The following CDH8 variants were observed in gnomAD, a reference collection of about 807,000 sequenced individuals.
The protein encoded by CDH8 is cadherin-8.
In CDH8, 17 loss-of-function variants were observed where a neutral mutation model predicts 68.1. That is an observed-to-expected ratio of 0.25 (90% CI 0.17 to 0.37). The LOEUF (loss-of-function observed/expected upper bound fraction) is 0.37, where lower values mean the gene tolerates loss of function less well. Among genes scored for constraint, CDH8 ranks in the 10% least tolerant of loss-of-function variants. The pLI is 1.00. For synonymous variants in CDH8, 372 were observed against 365.1 expected, an observed-to-expected ratio of 1.02 and a Z score of -0.21; for missense variants, 763 against 999.3, an observed-to-expected ratio of 0.76 and a Z score of 3.19.
chr16:61,732,337 CAAG>C, intron 8 of CDH8, among the ~76,000 whole-genome samples: 1 of 151,794 alleles, frequency 6.6e-6, no homozygotes, highest in African/African-American at 2.4e-5. Context: ...AAGCCAAAAA[CAAG>C]AACATTTTGA....
At position 61,847,429 on chromosome 16, in the gene CDH8, A is replaced by T. The variant is rs1962830187; in HGVS notation, c.667+9690T>A. On this transcript the variant is annotated intron_variant, in intron 4 of 11. Coordinates refer to ENST00000577390, the MANE Select transcript of CDH8 (RefSeq NM_001796.5). Reference sequence around the variant, plus strand: ...AATTGAGTATTTTCCTCTTCCTTCTACCTCTGCTCTCTTAGTGGATTCTTA... The same window carrying T: ...AATTGAGTATTTTCCTCTTCCTTCTTCCTCTGCTCTCTTAGTGGATTCTTA... Among the ~76,000 whole-genome samples, 3 of 151,272 alleles carry T rather than the reference A, an allele frequency of 2.0e-5. No homozygotes were observed. The Admixed American group carries it at 2.0e-4, about 10-fold the overall frequency.
rs989849398 is a variant in CDH8, at chr16:61,653,156, G to A, written c.*452C>T. 33 of 1,231,926 alleles carry A rather than the reference G, an allele frequency of 2.7e-5. No individual in the cohort carries two copies. In the African/African-American group the frequency reaches 3.1e-4, roughly 12 times the overall value. 76.3% of individuals were successfully genotyped at this position (1,231,926 alleles called of 1,614,324 possible). On this transcript the variant is annotated 3_prime_UTR_variant, in exon 12 of 12. Transcript: ENST00000577390. ...CAAGTATTGCTTTATCATTTGTGGC[G>A]GGATCCTTATTGGTGAAGGGGAAAA...
chr16:61,670,060 T>C (rs550847362), intron 10 of CDH8, among the ~76,000 whole-genome samples: 3 of 152,178 alleles, frequency 2.0e-5, no homozygotes, highest in African/African-American at 7.2e-5. Context: ...TGATATTGAT[T>C]GCCTATTTTT....
At chr16:61,978,695 G>C (rs116388928) in intron 2 of CDH8, among the ~76,000 whole-genome samples, 1 of 152,142 alleles carries the variant, frequency 6.6e-6, no homozygotes, top group Admixed American at 6.6e-5. Flanking sequence ...GGGCAAGCTC[G>C]TGTATGTTGT....
chr16:61,702,620 T>A (rs1964455597), intron 10 of CDH8, among the ~76,000 whole-genome samples: 2 of 152,208 alleles, frequency 1.3e-5, no homozygotes, highest in South Asian at 4.1e-4. Flanking sequence ...TGTTACTCAG[T>A]TTTACAACAA....
intron 8 of CDH8, among the ~76,000 whole-genome samples, chr16:61,762,645 C>CAAGT (rs1162008352): frequency 6.6e-6 from 1 of 152,034 alleles, no homozygotes; most frequent in Non-Finnish European, 1.5e-5. Flanking sequence ...AAGATGGCAC[C>CAAGT]AAGTAATCTG....
chr16:61,690,530 G>A (rs1964198906), intron 10 of CDH8, among the ~76,000 whole-genome samples: 1 of 152,090 alleles, frequency 6.6e-6, no homozygotes, highest in Non-Finnish European at 1.5e-5. Context: ...AGAATTTGCA[G>A]AAGTGAGAGT....
intron 2 of CDH8, among the ~76,000 whole-genome samples, chr16:62,015,393 A>ATG (rs764116909): frequency 2.0e-5 from 3 of 151,806 alleles, no homozygotes; most frequent in Non-Finnish European, 4.4e-5. Flanking sequence ...CATGTGGGGC[A>ATG]TGTGTGTGTG....
chr16:61,842,916 T>C (rs1035543598), intron 4 of CDH8, among the ~76,000 whole-genome samples: 1 of 152,170 alleles, frequency 6.6e-6, no homozygotes, highest in African/African-American at 2.4e-5. Context: ...ATGAGGTAAA[T>C]TGACTCAGAG....
chr16:61,717,166 T>C (rs1278176046), intron 9 of CDH8, among the ~76,000 whole-genome samples: 1 of 151,688 alleles, frequency 6.6e-6, no homozygotes, highest in Non-Finnish European at 1.5e-5. Context: ...TCCCTTCTGC[T>C]AATAAAGTTA....
At chr16:61,667,153 G>A (rs1236838373) in intron 10 of CDH8, 2 of 151,954 alleles carry the variant, frequency 1.3e-5, no homozygotes, top group East Asian at 3.9e-4. Flanking sequence ...ATTTGTGACT[G>A]CTTTCCATTT....
At chr16:61,704,050 T>C (rs911124562) in intron 10 of CDH8, among the ~76,000 whole-genome samples, 2 of 152,208 alleles carry the variant, frequency 1.3e-5, no homozygotes, top group African/African-American at 4.8e-5. Context: ...TCATACGGCC[T>C]ATGTATTTAC....
At chr16:61,701,886 A>G (rs1027024368) in intron 10 of CDH8, among the ~76,000 whole-genome samples, 3 of 152,218 alleles carry the variant, frequency 2.0e-5, no homozygotes, top group South Asian at 4.1e-4. Flanking sequence ...TAACTAATTG[A>G]CAGTCCTTCA....
At chr16:62,019,633 C>T (rs1016826105) in intron 2 of CDH8, among the ~76,000 whole-genome samples, 18 of 152,212 alleles carry the variant, frequency 1.2e-4, no homozygotes, top group South Asian at 1.0e-3. Context: ...GTCACAATTA[C>T]GCACTATGAC....
intron 7 of CDH8, among the ~76,000 whole-genome samples, chr16:61,812,633 AT>A (rs374848272): frequency 5.9e-5 from 9 of 152,330 alleles, no homozygotes; most frequent in African/African-American, 2.2e-4. Flanking sequence ...GAACTGACTT[AT>A]TTCTAGTATC....
chr16:61,880,956 G>A (rs556219169), intron 3 of CDH8, among the ~76,000 whole-genome samples: 18 of 83,622 alleles, frequency 2.2e-4, no homozygotes, highest in Middle Eastern at 7.2e-3. Context: ...TGTGTAGATC[G>A]GCCACTCAAC....
intron 2 of CDH8, among the ~76,000 whole-genome samples, chr16:61,985,170 T>C (rs1289519518): frequency 6.6e-6 from 1 of 152,030 alleles, no homozygotes; most frequent in Admixed American, 6.6e-5. Context: ...CCTCTGTAGA[T>C]GGTAAGACTA....
chr16:61,755,230 T>C (rs1960280611), intron 8 of CDH8, among the ~76,000 whole-genome samples: 1 of 152,102 alleles, frequency 6.6e-6, no homozygotes, highest in Non-Finnish European at 1.5e-5. Flanking sequence ...TATTTGTCAG[T>C]AAGGGAGTAT....
chr16:61,807,477 A>T (rs559254554), intron 7 of CDH8, among the ~76,000 whole-genome samples: 82 of 151,608 alleles, frequency 5.4e-4, no homozygotes, highest in African/African-American at 1.7e-3. Flanking sequence ...AAAGTATAAT[A>T]AAAAAAACAA....
Sources: gnomAD v4.1 joint callset for allele counts (sites outside exome capture counted in the v4.1 genomes callset) on GRCh38, gnomAD v4.1.1 for gene constraint, MANE v1.5 for transcripts, NCBI Gene and HGNC (gene_info 2026-07-23, HGNC 2026-07-21) for gene names.